Variants in ZNF528 observed in about 807,000 individuals in gnomAD.
The protein encoded by ZNF528 is zinc finger protein 528.
ZNF528 carries 9 observed loss-of-function variants against 13.3 expected under a neutral mutation model. That is an observed-to-expected ratio of 0.67 (90% CI 0.41 to 1.18). The LOEUF is 1.18. Among genes scored for constraint, ZNF528 ranks in the 50% most tolerant of loss-of-function variants. The probability of loss-of-function intolerance (pLI) is 0.01; values close to 1 mark genes in which losing one functional copy is unlikely to be tolerated. For missense variants in ZNF528, 858 were observed against 745.4 expected, an observed-to-expected ratio of 1.15 and a Z score of -1.76; for synonymous variants, 264 against 254.3, an observed-to-expected ratio of 1.04 and a Z score of -0.36.
At position 52,397,896 on chromosome 19, in the gene ZNF528, C is replaced by G. The variant is rs1026568146; in HGVS notation, c.-398C>G. 3.9e-5 allele frequency: 6 copies of G among 152,240 alleles called. No individual in the cohort carries two copies. Among genetic ancestry groups the G allele is most frequent in the Non-Finnish European group, 1.5e-5 (1 of 68,046 alleles). The allele number at this position is 152,240 out of a possible 1,614,324, so 9.4% of individuals were successfully genotyped here. ...CGATTGCAGGGAGAAACTGTTTTCG[C>G]AGCAGTGCGTGAGTTTCCCTTTGTC... is the stretch of plus-strand genomic sequence containing the variant. On this transcript the variant is annotated 5_prime_UTR_variant, in exon 1 of 7. Transcript: ENST00000360465.
In ZNF528 at chr19:52,416,956, T is replaced by C. The variant is rs1275531104; in HGVS notation, c.*217T>C. ...TGGGCTATTATTCAAGGACCATTGC[T>C]ATAGAACACGATAGGATTTACACAA... On this transcript the variant is annotated 3_prime_UTR_variant, in exon 7 of 7. Coordinates refer to ENST00000360465, the MANE Select transcript of ZNF528 (RefSeq NM_032423.3). 3.8e-6 allele frequency: 2 copies of C among 527,796 alleles called. No homozygotes were observed. The highest frequency in any genetic ancestry group is 6.7e-6 in the Non-Finnish European group (2 of 299,972). The allele number at this position is 527,796 out of a possible 1,614,324, so 32.7% of individuals were successfully genotyped here. A position where few individuals can be genotyped will look rare whatever the true frequency, so the allele number is the denominator to read the frequency against.
At chr19:52,411,464 TCA>T (rs2058930316) in intron 6 of ZNF528, 1 of 152,232 alleles carries the variant, frequency 6.6e-6, no homozygotes, top group South Asian at 2.1e-4. Context: ...CATGCAGCAG[TCA>T]CCGTCTTCCA....
rs756323340 is a variant in ZNF528, at chr19:52,401,009, C to T, written c.-136-676C>T. On this transcript the variant is annotated intron_variant, in intron 2 of 6. Transcript: ENST00000360465. ...CTGCTGCTGTCTCCTGAAGTGTCTT[C>T]TCTGAATATGGAAATGTCACCCAAT... 1.2e-3 allele frequency among the ~76,000 whole-genome samples: 187 copies of T among 152,286 alleles called. 2 individuals are homozygous for T. The highest frequency in any genetic ancestry group is 3.6e-3 in the Admixed American group (55 of 15,284).
At chr19:52,403,587 G>A (rs1340084562) in intron 4 of ZNF528, among the ~76,000 whole-genome samples, 1 of 148,030 alleles carries the variant, frequency 6.8e-6, no homozygotes, top group Non-Finnish European at 1.5e-5. Context: ...TTCAGCCTCA[G>A]AGGTGGAGAT....
rs1023833072 is a variant in ZNF528 at position 52,417,001 on chromosome 19, T to C, written c.*262T>C. Reference sequence around the variant, plus strand: ...ACACAAGAAGTAACTCTGTCTCTGGTTCTCTGATACTAATCTATGATATTG... The same window carrying C: ...ACACAAGAAGTAACTCTGTCTCTGGCTCTCTGATACTAATCTATGATATTG... On this transcript the variant is annotated 3_prime_UTR_variant, in exon 7 of 7. Transcript: ENST00000360465. The C allele has an allele frequency of 2.3e-6, 1 of 441,768 alleles. No homozygotes were observed. Among genetic ancestry groups the C allele is most frequent in the Non-Finnish European group, 4.1e-6 (1 of 246,608 alleles). The allele number at this position is 441,768 out of a possible 1,614,324, so 27.4% of individuals were successfully genotyped here. A position where few individuals can be genotyped will look rare whatever the true frequency, so the allele number is the denominator to read the frequency against.
chr19:52,414,202 A>G (rs2058969087), intron 6 of ZNF528: 1 of 702,284 alleles, frequency 1.4e-6, no homozygotes, highest in African/African-American at 1.7e-5. Flanking sequence ...TGTGAATTTC[A>G]GTTCCTCTAC....
chr19:52,409,651 G>A (rs1427664098), intron 6 of ZNF528, among the ~76,000 whole-genome samples: 1 of 151,838 alleles, frequency 6.6e-6, no homozygotes, highest in Non-Finnish European at 1.5e-5. Context: ...CCTTATGTAG[G>A]CCTTGTAATT....
chr19:52,410,117 C>T (rs1314748733), intron 6 of ZNF528, among the ~76,000 whole-genome samples: 1 of 152,152 alleles, frequency 6.6e-6, no homozygotes, highest in Non-Finnish European at 1.5e-5. Flanking sequence ...AGTTCTTTTA[C>T]ATAAGAACTG....
At position 52,398,499 on chromosome 19, in the gene ZNF528, T is replaced by C. The variant is rs2058755315; in HGVS notation, c.-257T>C. On this transcript the variant is annotated 5_prime_UTR_variant, in exon 2 of 7. Transcript: ENST00000360465. The stretch of plus-strand genomic sequence containing the variant: ...AGCTCTTCCGGAAGTGGGCATCTTA[T>C]TCCAATCCCCTCCCTGTGAATGTGT... 2.2e-6 allele frequency: 2 copies of C among 893,732 alleles called. No individual in the cohort carries two copies. The highest frequency in any genetic ancestry group is 1.3e-6 in the Non-Finnish European group (1 of 746,230). The allele number at this position is 893,732 out of a possible 1,614,324, so 55.4% of individuals were successfully genotyped here.
rs982707986 is a variant in ZNF528, at chr19:52,400,698, A to AT, written c.-136-976dup. 5.5e-3 allele frequency among the ~76,000 whole-genome samples: 817 copies of AT among 148,398 alleles called. 3 individuals are homozygous for AT. Among genetic ancestry groups the AT allele is most frequent in the African/African-American group, 0.018 (732 of 40,426 alleles). On this transcript the variant is annotated intron_variant, in intron 2 of 6. Coordinates refer to ENST00000360465, the MANE Select transcript of ZNF528 (RefSeq NM_032423.3). ...CTCTGCGTGGCTGATTGAAAAAAAA[A>AT]TTTTTTTTTTTGAGACAAAGTCTCA...
At chr19:52,397,972 T>C (rs2058749561) in intron 1 of ZNF528, 68 bp downstream of exon 1, 2 of 152,364 alleles carry the variant, frequency 1.3e-5, no homozygotes, top group South Asian at 4.1e-4. Flanking sequence ...ACCCGGGAGC[T>C]GAGGGGCATG....
intron 4 of ZNF528, among the ~76,000 whole-genome samples, chr19:52,404,503 G>A (rs1033139577): frequency 6.6e-5 from 10 of 152,116 alleles, no homozygotes; most frequent in African/African-American, 2.4e-4. Flanking sequence ...TTCATGTAAA[G>A]CATTTAAAAT....
chr19:52,405,467 G>A (rs894306004), intron 4 of ZNF528, among the ~76,000 whole-genome samples: 1 of 152,074 alleles, frequency 6.6e-6, no homozygotes, highest in Non-Finnish European at 1.5e-5. Flanking sequence ...GGAGGCAGAG[G>A]TTGCAGTGAG....
chr19:52,398,733 A>G, intron 2 of ZNF528, 114 bp downstream of exon 2: 1 of 479,766 alleles, frequency 2.1e-6, no homozygotes, highest in South Asian at 8.7e-5. Flanking sequence ...ACGAAATTCA[A>G]CAAGATAGGG....
intron 4 of ZNF528, among the ~76,000 whole-genome samples, chr19:52,403,597 T>C (rs191904690): frequency 1.3e-5 from 2 of 149,868 alleles, no homozygotes; most frequent in Non-Finnish European, 1.5e-5. Flanking sequence ...GAGGTGGAGA[T>C]TGTGGTGAGC....
At chr19:52,399,809 ATTAC>A (rs1332154220) in intron 2 of ZNF528, among the ~76,000 whole-genome samples, 1 of 152,174 alleles carries the variant, frequency 6.6e-6, no homozygotes, top group Non-Finnish European at 1.5e-5. Flanking sequence ...TAATATGGGA[ATTAC>A]TTGTCACCAA....
Position 52,416,131 on chromosome 19 carries a change from C to A in ZNF528, c.1279C>A (p.His427Asn), listed in dbSNP as rs1236053100. Residue 427 changes from histidine (H) to asparagine (N), a missense_variant, in exon 7 of 7, where the codon CAT becomes AAT. Transcript: ENST00000360465. ...TAGTCAGAAATCAGACCTTATACGACATCGAAAAACTCATACTGATGAGAA... is the reference window on the plus strand; with the variant it reads ...TAGTCAGAAATCAGACCTTATACGAAATCGAAAAACTCATACTGATGAGAA... ...IFSQKSDLIR[H>N]RKTHTDEKPY... is the part of the protein sequence containing the mutation. 5.0e-6 allele frequency: 8 copies of A among 1,614,034 alleles called. No homozygotes were observed. The highest frequency in any genetic ancestry group is 5.9e-6 in the Non-Finnish European group (7 of 1,180,022).
chr19:52,410,570 C>T (rs1028244157), intron 6 of ZNF528, among the ~76,000 whole-genome samples: 3 of 152,186 alleles, frequency 2.0e-5, no homozygotes, highest in Non-Finnish European at 2.9e-5. Context: ...TCCAGTGGAA[C>T]GCTGAGTTGG....
chr19:52,405,933 CAT>C lies in ZNF528; in HGVS notation c.44_45del (p.Ile15ArgfsTer27), dbSNP rs1383395792. 2.5e-6 allele frequency: 4 copies of C among 1,611,318 alleles called. No individual in the cohort carries two copies. The African/African-American group carries it at 5.3e-5, about 22-fold the overall frequency. On this transcript the variant is annotated frameshift_variant, in exon 5 of 7. Transcript: ENST00000360465. LOFTEE classifies it high-confidence loss of function. ...GACCCTTGAAATTCATGGATGTGGC[CAT>C]AGAGTTCTCTCAGGAAGAGTGGAAA... is the stretch of plus-strand genomic sequence containing the variant. ...QGPLKFMDVA[I>X]EFSQEEWKCL...
Sources: allele counts gnomAD v4.1 joint callset (sites outside exome capture counted in the v4.1 genomes callset), GRCh38; gene constraint gnomAD v4.1.1; transcripts MANE v1.5; gene names NCBI Gene and HGNC (gene_info 2026-07-23, HGNC 2026-07-21).